The following TAF4B variants were observed in gnomAD, a reference collection of about 807,000 sequenced individuals.
The protein encoded by TAF4B is TATA-box binding protein associated factor 4b.
In TAF4B, 38 loss-of-function variants were observed where a neutral mutation model predicts 86.4. That is an observed-to-expected ratio of 0.44 (90% CI 0.34 to 0.58). TAF4B has a LOEUF of 0.58. TAF4B is among the 20% of genes least tolerant of loss of function. TAF4B has a pLI of 0.02. For missense variants in TAF4B, 988 were observed against 1,027.6 expected, an observed-to-expected ratio of 0.96 and a Z score of 0.53; for synonymous variants, 388 against 391.2, an observed-to-expected ratio of 0.99 and a Z score of 0.10.
At chr18:26,364,603 A>T (rs564201519) in intron 14 of TAF4B, among the ~76,000 whole-genome samples, 101 of 152,270 alleles carry the variant, frequency 6.6e-4, no homozygotes, top group Non-Finnish European at 1.2e-3. Context: ...TATACTTTCA[A>T]ATATTTTGCA....
chr18:26,385,791 C>G (rs1021794888), intron 14 of TAF4B, among the ~76,000 whole-genome samples: 7 of 149,922 alleles, frequency 4.7e-5, no homozygotes, highest in African/African-American at 7.3e-5. Flanking sequence ...CTAGTCAACT[C>G]TGGGGAAAGG....
chr18:26,333,591 G>A (rs1433243879), intron 12 of TAF4B, among the ~76,000 whole-genome samples: 2 of 152,018 alleles, frequency 1.3e-5, no homozygotes, highest in African/African-American at 2.4e-5. Flanking sequence ...GGGTCTTGCT[G>A]CATTAGATAG....
At chr18:26,282,793 C>G (rs1473132949) in intron 6 of TAF4B, among the ~76,000 whole-genome samples, 1 of 152,194 alleles carries the variant, frequency 6.6e-6, no homozygotes, top group Non-Finnish European at 1.5e-5. Context: ...CTCTCATACC[C>G]TGCCATTGTT....
chr18:26,345,306 A>G (rs141715006), intron 13 of TAF4B, among the ~76,000 whole-genome samples: 98 of 152,194 alleles, frequency 6.4e-4, no homozygotes, highest in Admixed American at 2.6e-3. Context: ...ATGTCTTTAG[A>G]CCAGTCAGGC....
chr18:26,230,704 C>G (rs1267516464), intron 1 of TAF4B, among the ~76,000 whole-genome samples: 1 of 152,154 alleles, frequency 6.6e-6, no homozygotes. Context: ...TACTCCCACA[C>G]TTTGTTTTCT....
At chr18:26,249,766 A>G (rs2055977814) in intron 1 of TAF4B, among the ~76,000 whole-genome samples, 1 of 152,036 alleles carries the variant, frequency 6.6e-6, no homozygotes, top group South Asian at 2.1e-4. Flanking sequence ...TCTTTCGCCT[A>G]GGCTGGAGTG....
chr18:26,295,624 C>G (rs1408654141), intron 9 of TAF4B, among the ~76,000 whole-genome samples: 1 of 152,218 alleles, frequency 6.6e-6, no homozygotes, highest in Non-Finnish European at 1.5e-5. Flanking sequence ...AGGCTACGGA[C>G]TGCTACCGGT....
intron 14 of TAF4B, among the ~76,000 whole-genome samples, chr18:26,371,235 A>C (rs1482150482): frequency 6.6e-6 from 1 of 152,252 alleles, no homozygotes; most frequent in Non-Finnish European, 1.5e-5. Context: ...GTGTTAGATG[A>C]CAATAAGTCT....
At chr18:26,255,829 A>G in intron 1 of TAF4B, 2 of 1,411,690 alleles carry the variant, frequency 1.4e-6, no homozygotes, top group Non-Finnish European at 2.0e-6. Context: ...CGGCCTTTAT[A>G]GATGATCCCA....
chr18:26,256,665 A>C (rs1247229576), intron 1 of TAF4B, among the ~76,000 whole-genome samples: 2 of 151,980 alleles, frequency 1.3e-5, no homozygotes, highest in Non-Finnish European at 2.9e-5. Context: ...TTTTCTCTGA[A>C]TATTGCTTTA....
At position 26,321,339 on chromosome 18, in the gene TAF4B, C is replaced by T. The variant is rs1304321771; in HGVS notation, c.2133+139C>T. 4.7e-6 allele frequency: 4 copies of T among 847,984 alleles called. No homozygotes were observed. The African/African-American group carries it at 6.9e-5, about 15-fold the overall frequency. 52.5% of individuals were successfully genotyped at this position (847,984 alleles called of 1,614,324 possible). A position where few individuals can be genotyped will look rare whatever the true frequency, so the allele number is the denominator to read the frequency against. The stretch of plus-strand genomic sequence containing the variant: ...ATTAGTGGAAAATCAAAGTCTCATT[C>T]TTATTTAGATAAGCTTACATGACAA... On this transcript the variant is annotated intron_variant, in intron 11 of 14. Transcript: ENST00000269142.
chr18:26,380,072 G>T (rs2057467986), intron 14 of TAF4B, among the ~76,000 whole-genome samples: 1 of 152,052 alleles, frequency 6.6e-6, no homozygotes, highest in Non-Finnish European at 1.5e-5. Context: ...CTTAGGATTT[G>T]CTAAGCAAAT....
At position 26,299,539 on chromosome 18, in the gene TAF4B, A is replaced by T. The variant is rs1165423810; in HGVS notation, c.1832+6008A>T. ...GGTATCTGTGATTATATTGGCTTAAAAAAAATGAGTCATAGTCTTCCCCCC... is the reference window on the plus strand; with the variant it reads ...GGTATCTGTGATTATATTGGCTTAATAAAAATGAGTCATAGTCTTCCCCCC... On this transcript the variant is annotated intron_variant, in intron 9 of 14. Transcript: ENST00000269142. Among the ~76,000 whole-genome samples the T allele has an allele frequency of 2.6e-5, 4 of 152,274 alleles. No individual in the cohort carries two copies. In the East Asian group the frequency reaches 7.7e-4, roughly 29 times the overall value.
chr18:26,323,803 C>G (rs1024048406), intron 11 of TAF4B, among the ~76,000 whole-genome samples: 1 of 152,090 alleles, frequency 6.6e-6, no homozygotes, highest in Non-Finnish European at 1.5e-5. Context: ...CTTTCACTTT[C>G]AGCGTATTGG....
intron 14 of TAF4B, among the ~76,000 whole-genome samples, chr18:26,365,139 T>A (rs930564541): frequency 5.3e-5 from 8 of 151,896 alleles, no homozygotes; most frequent in Admixed American, 5.3e-4. Context: ...CCCAGGTAGC[T>A]GGAACTACAG....
intron 9 of TAF4B, among the ~76,000 whole-genome samples, chr18:26,302,057 A>C (rs1791755): frequency 0.93 from 141,872 of 152,242 alleles, 66,408 homozygotes; most frequent in East Asian, 0.99. Flanking sequence ...TAAAATTGTT[A>C]TGGCTTTATT....
At chr18:26,293,385 G>C (rs1385512130) in intron 8 of TAF4B, 41 bp from the exon 9 acceptor site, 2 of 1,429,734 alleles carry the variant, frequency 1.4e-6, no homozygotes, top group South Asian at 2.5e-5. Flanking sequence ...TGGTGTGATT[G>C]CTTTTTTTGT....
intron 13 of TAF4B, among the ~76,000 whole-genome samples, chr18:26,349,825 C>T (rs1297037473): frequency 2.0e-5 from 3 of 152,052 alleles, no homozygotes; most frequent in East Asian, 1.9e-4. Context: ...CTGTAGTCAC[C>T]GAAATAGCAT....
intron 9 of TAF4B, among the ~76,000 whole-genome samples, chr18:26,307,820 G>A (rs1169814890): frequency 6.6e-6 from 1 of 151,924 alleles, no homozygotes; most frequent in Non-Finnish European, 1.5e-5. Flanking sequence ...TATGTATTAC[G>A]AGTCTGTTTG....
Sources: allele counts gnomAD v4.1 joint callset (sites outside exome capture counted in the v4.1 genomes callset), GRCh38; gene constraint gnomAD v4.1.1; transcripts MANE v1.5; gene names NCBI Gene and HGNC (gene_info 2026-07-23, HGNC 2026-07-21).